Variants in LONRF1 observed in about 807,000 individuals in gnomAD.
LONRF1 encodes LON peptidase N-terminal domain and ring finger 1, also known as LON peptidase N-terminal domain and RING finger protein 1.
A neutral mutation model predicts 85.8 loss-of-function variants in LONRF1; 37 were observed. The ratio of observed to expected loss-of-function variants is 0.43; its 90% CI spans 0.33 to 0.57. LONRF1 has a LOEUF of 0.57. Among genes scored for constraint, LONRF1 ranks in the 20% least tolerant of loss-of-function variants. The probability of loss-of-function intolerance (pLI) is 0.04; values close to 1 mark genes in which losing one functional copy is unlikely to be tolerated. For synonymous variants in LONRF1, 517 were observed against 390.1 expected, an observed-to-expected ratio of 1.33 and a Z score of -3.83; for missense variants, 1,036 against 978.0, an observed-to-expected ratio of 1.06 and a Z score of -0.79.
At chr8:12,728,799 G>C in intron 10 of LONRF1, 102 bp downstream of exon 10, 1 of 1,313,598 alleles carries the variant, frequency 7.6e-7, no homozygotes, top group South Asian at 1.3e-5. Context: ...AAGGCTGTCT[G>C]ATAAGAACTG....
At chr8:12,738,601 A>T (rs1451607851) in intron 3 of LONRF1, 1 of 152,320 alleles carries the variant, frequency 6.6e-6, no homozygotes, top group East Asian at 1.9e-4. Context: ...CCCTGTACTT[A>T]CACTCAATTT....
At chr8:12,735,745 C>T (rs1194596995) in intron 6 of LONRF1, 1 of 174,168 alleles carries the variant, frequency 5.7e-6, no homozygotes, top group African/African-American at 2.4e-5. Flanking sequence ...ATTTCAAAGA[C>T]TTTCTGCAAA....
chr8:12,742,691 T>C (rs995475388), intron 2 of LONRF1, among the ~76,000 whole-genome samples: 7 of 152,142 alleles, frequency 4.6e-5, no homozygotes, highest in Non-Finnish European at 1.0e-4. Context: ...GAAAAGTCTC[T>C]TATAATTTAA....
At chr8:12,747,058 A>G (rs1189761637) in intron 1 of LONRF1, among the ~76,000 whole-genome samples, 2 of 152,188 alleles carry the variant, frequency 1.3e-5, no homozygotes, top group African/African-American at 4.8e-5. Flanking sequence ...TTATCCTCAG[A>G]TCCTGGCTTT....
chr8:12,751,266 A>G (rs909025248), intron 1 of LONRF1, among the ~76,000 whole-genome samples: 3 of 141,958 alleles, frequency 2.1e-5, no homozygotes, highest in African/African-American at 7.8e-5. Flanking sequence ...AATACTGGGT[A>G]ACAGTCAAGG....
intron 7 of LONRF1, among the ~76,000 whole-genome samples, chr8:12,734,323 C>T (rs1798638921): frequency 6.6e-6 from 1 of 152,148 alleles, no homozygotes; most frequent in South Asian, 2.1e-4. Flanking sequence ...GCTATTATGA[C>T]ATCCGTACTG....
intron 8 of LONRF1, among the ~76,000 whole-genome samples, chr8:12,730,143 C>G (rs1234048641): frequency 6.6e-6 from 1 of 152,260 alleles, no homozygotes; most frequent in East Asian, 1.9e-4. Flanking sequence ...AAAGAGGAGA[C>G]TAGTAAGATC....
chr8:12,746,097 A>G (rs1196376315), intron 1 of LONRF1, among the ~76,000 whole-genome samples: 1 of 152,106 alleles, frequency 6.6e-6, no homozygotes, highest in Non-Finnish European at 1.5e-5. Flanking sequence ...GTCACCTCCT[A>G]TGATATTCCT....
chr8:12,734,455 T>C (rs1032595483), intron 7 of LONRF1, among the ~76,000 whole-genome samples: 4 of 152,190 alleles, frequency 2.6e-5, no homozygotes, highest in Admixed American at 6.5e-5. Flanking sequence ...ACAGAATCAC[T>C]TTCCCCAATC....
chr8:12,746,210 G>A (rs939599048), intron 1 of LONRF1, among the ~76,000 whole-genome samples: 4 of 152,020 alleles, frequency 2.6e-5, no homozygotes, highest in African/African-American at 7.2e-5. Flanking sequence ...CCTGCCTTCA[G>A]TTCTACTCTA....
intron 7 of LONRF1, among the ~76,000 whole-genome samples, chr8:12,732,191 G>A (rs1798552997): frequency 6.6e-6 from 1 of 152,184 alleles, no homozygotes; most frequent in Non-Finnish European, 1.5e-5. Flanking sequence ...CAGCTCATGG[G>A]CACTAAACTA....
At chr8:12,740,754 G>T in intron 3 of LONRF1, 120 bp downstream of exon 3, 1 of 1,244,678 alleles carries the variant, frequency 8.0e-7, no homozygotes. Flanking sequence ...TATCACATTT[G>T]TTCCTAAGTT....
intron 1 of LONRF1, among the ~76,000 whole-genome samples, chr8:12,752,232 G>A (rs1387221784): frequency 6.6e-6 from 1 of 152,104 alleles, no homozygotes; most frequent in Non-Finnish European, 1.5e-5. Flanking sequence ...ATAAATACAT[G>A]TCAAATGCCT....
Position 12,743,193 on chromosome 8 carries a change from C to T in LONRF1, c.811G>A (p.Val271Ile). Residue 271 changes from valine to isoleucine, a missense_variant, in exon 2 of 12, where the codon GTT (valine) becomes ATT (isoleucine). Physicochemically the swap from Val to Ile is conservative, Grantham distance 29. Coordinates refer to ENST00000398246, the MANE Select transcript of LONRF1 (RefSeq NM_152271.5). ...GGCCAATCTGGAAGTTGAAAAAGAA[C>T]TGCATTTAAATCTTCTATGGCTGCT... ...FKAAIEDLNA[V>I]LFQLPDWPEV... 1.2e-6 allele frequency: 2 copies of T among 1,612,206 alleles called. No individual in the cohort carries two copies. The highest frequency in any genetic ancestry group is 1.7e-6 in the Non-Finnish European group (2 of 1,178,592).
chr8:12,751,296 G>GTTTTTTTTTTTTTTGTTTTTTTTTTTTT (rs1563160508), intron 1 of LONRF1, among the ~76,000 whole-genome samples: 2 of 69,550 alleles, frequency 2.9e-5, no homozygotes, highest in Non-Finnish European at 5.7e-5. Flanking sequence ...TTATTTTTAT[G>GTTTTTTTTTTTTTTGTTTTTTTTTTTTT]TTTTTTTTTT....
At chr8:12,739,082 T>C (rs1322077280) in intron 3 of LONRF1, among the ~76,000 whole-genome samples, 1 of 149,858 alleles carries the variant, frequency 6.7e-6, no homozygotes, top group Non-Finnish European at 1.5e-5. Context: ...TTTTAAAAAA[T>C]AAATTAAACA....
chr8:12,728,749 AC>A (rs1206898982), intron 10 of LONRF1, 151 bp downstream of exon 10: 15 of 763,882 alleles, frequency 2.0e-5, no homozygotes, highest in Non-Finnish European at 2.9e-5. Flanking sequence ...AGAGCAAGAT[AC>A]GAAAAAGGTA....
In LONRF1 at chr8:12,722,782, A is replaced by ACG. The variant is rs199526969; in HGVS notation, c.*312_*313dup. The ACG allele has an allele frequency of 5.8e-4, 104 of 180,652 alleles. No individual in the cohort carries two copies. Among genetic ancestry groups the ACG allele is most frequent in the African/African-American group, 2.3e-3 (96 of 42,524 alleles). The allele number at this position is 180,652 out of a possible 1,614,324, so 11.2% of individuals were successfully genotyped here. ...ACCCAACCCCCACAAGCACACACGC[A>ACG]CGCACACACACACACACACTCTCTC... is the stretch of plus-strand genomic sequence containing the variant. On this transcript the variant is annotated 3_prime_UTR_variant, in exon 12 of 12. Transcript: ENST00000398246.
At chr8:12,737,422 A>G (rs1798762938) in intron 4 of LONRF1, 2 of 586,498 alleles carry the variant, frequency 3.4e-6, no homozygotes, top group Non-Finnish European at 6.3e-6. Flanking sequence ...TCTTGTCATT[A>G]TTCCCTAGAC....
Sources: allele counts gnomAD v4.1 joint callset (sites outside exome capture counted in the v4.1 genomes callset), GRCh38; gene constraint gnomAD v4.1.1; transcripts MANE v1.5; gene names NCBI Gene and HGNC (gene_info 2026-07-23, HGNC 2026-07-21).